GALNT13: variants seen among roughly 807,000 people sequenced by gnomAD.
The protein encoded by GALNT13 is UDP-GalNAc:polypeptide N-acetylgalactosaminyltransferase 13.
A neutral mutation model predicts 64.2 loss-of-function variants in GALNT13; 28 were observed. That is an observed-to-expected ratio of 0.44 (90% CI 0.32 to 0.60). The LOEUF is 0.60. Among genes scored for constraint, GALNT13 ranks in the 20% least tolerant of loss-of-function variants. The probability of loss-of-function intolerance (pLI) is 0.05; values close to 1 mark genes in which losing one functional copy is unlikely to be tolerated. For missense variants in GALNT13, 577 were observed against 669.8 expected (o/e 0.86, Z 1.53); for synonymous variants, 214 against 224.6 (o/e 0.95, Z 0.42).
At chr2:153,859,484 C>G in the GALNT13 span, among the ~76,000 whole-genome samples, 507 of 152,164 alleles carry the variant, frequency 3.3e-3, 4 homozygotes, top group African/African-American at 0.012. Context: ...TTACTTCATA[C>G]CTTTGGTGCT....
At chr2:153,459,544 TG>T in the GALNT13 span, among the ~76,000 whole-genome samples, 5 of 152,112 alleles carry the variant, frequency 3.3e-5, no homozygotes, top group Non-Finnish European at 5.9e-5. Flanking sequence ...CTGAATTACA[TG>T]GGGTCAATAT....
chr2:153,378,336 G>T, the GALNT13 span, among the ~76,000 whole-genome samples: 1 of 151,386 alleles, frequency 6.6e-6, no homozygotes, highest in Non-Finnish European at 1.5e-5. Context: ...GTAAATGCTA[G>T]TTCTTCAGCC....
At chr2:153,174,331 A>G in the GALNT13 span, among the ~76,000 whole-genome samples, 3 of 152,290 alleles carry the variant, frequency 2.0e-5, no homozygotes, top group South Asian at 2.1e-4. Context: ...TTTTTAACCC[A>G]TGCCTTTACC....
chr2:153,126,293 T>TA, the GALNT13 span, among the ~76,000 whole-genome samples: 1 of 43,472 alleles, frequency 2.3e-5, no homozygotes, highest in Non-Finnish European at 5.0e-5. Context: ...CAGTATTGAT[T>TA]TTGTATATAT....
At chr2:153,075,612 A>G in the GALNT13 span, among the ~76,000 whole-genome samples, 6 of 152,120 alleles carry the variant, frequency 3.9e-5, no homozygotes, top group Non-Finnish European at 8.8e-5. Flanking sequence ...AGGTTCATTT[A>G]TTTCAATTTT....
the GALNT13 span, among the ~76,000 whole-genome samples, chr2:153,471,024 G>A: frequency 2.6e-5 from 4 of 152,142 alleles, no homozygotes; most frequent in African/African-American, 9.6e-5. Context: ...GTAAAGTGGA[G>A]CCAGCTTTGC....
At chr2:153,186,387 TG>T in the GALNT13 span, among the ~76,000 whole-genome samples, 1 of 152,126 alleles carries the variant, frequency 6.6e-6, no homozygotes, top group East Asian at 1.9e-4. Context: ...AGCATAGCAA[TG>T]GGTCTTAGCT....
At chr2:154,106,097 T>C (rs911880790) in intron 3 of GALNT13, among the ~76,000 whole-genome samples, 1 of 152,192 alleles carries the variant, frequency 6.6e-6, no homozygotes, top group Non-Finnish European at 1.5e-5. Context: ...CTTTGTCAGA[T>C]ATAGGTTTTG....
At chr2:153,226,045 T>G in the GALNT13 span, among the ~76,000 whole-genome samples, 2 of 152,096 alleles carry the variant, frequency 1.3e-5, no homozygotes, top group Non-Finnish European at 2.9e-5. Flanking sequence ...GCACTTCTCC[T>G]GCTTCAGCCT....
chr2:153,808,493 T>C, the GALNT13 span, among the ~76,000 whole-genome samples: 2 of 152,136 alleles, frequency 1.3e-5, no homozygotes, highest in East Asian at 3.9e-4. Context: ...ATCTCCAGGG[T>C]TCTCCCCTCG....
chr2:154,412,016 A>G lies in GALNT13; in HGVS notation c.1395+2934A>G, dbSNP rs561466118. Among the ~76,000 whole-genome samples the G allele has an allele frequency of 1.1e-4, 17 of 151,938 alleles. No individual in the cohort carries two copies. The South Asian group carries it at 2.3e-3, about 20-fold the overall frequency. On this transcript the variant is annotated intron_variant, in intron 11 of 12. Coordinates refer to ENST00000392825, the MANE Select transcript of GALNT13 (RefSeq NM_052917.4). ...ATGCAATGTGTATTGATCCATTGCC[A>G]TTAATTAGCCCCTTTACTTGTTATT...
chr2:154,249,113 A>G (rs1436692546), intron 7 of GALNT13, among the ~76,000 whole-genome samples: 1 of 152,174 alleles, frequency 6.6e-6, no homozygotes, highest in Non-Finnish European at 1.5e-5. Context: ...TAGATCATTT[A>G]ATTAATTTGG....
chr2:153,367,455 T>G, the GALNT13 span, among the ~76,000 whole-genome samples: 2 of 152,082 alleles, frequency 1.3e-5, no homozygotes, highest in Admixed American at 6.6e-5. Flanking sequence ...TATACAAGAA[T>G]GGGAACTTTG....
At chr2:154,241,191 G>T (rs987672654) in intron 4 of GALNT13, among the ~76,000 whole-genome samples, 1 of 152,138 alleles carries the variant, frequency 6.6e-6, no homozygotes, top group Admixed American at 6.5e-5. Flanking sequence ...GTGGTGGAGC[G>T]GGGGTGGTTA....
At chr2:153,411,057 T>C in the GALNT13 span, among the ~76,000 whole-genome samples, 1 of 151,832 alleles carries the variant, frequency 6.6e-6, no homozygotes, top group Admixed American at 6.6e-5. Context: ...AGTTTCGCCA[T>C]GTTGCCCAGG....
At chr2:153,375,911 G>A in the GALNT13 span, among the ~76,000 whole-genome samples, 1 of 152,150 alleles carries the variant, frequency 6.6e-6, no homozygotes, top group Admixed American at 6.6e-5. Flanking sequence ...TCTGGTGAGG[G>A]CTTCAGGTTG....
At chr2:153,971,261 C>G (rs932150566) in intron 3 of GALNT13, among the ~76,000 whole-genome samples, 3 of 152,030 alleles carry the variant, frequency 2.0e-5, no homozygotes, top group Non-Finnish European at 4.4e-5. Context: ...GTAAATTGTT[C>G]CCCATCTCTA....
chr2:153,268,214 A>C, the GALNT13 span, among the ~76,000 whole-genome samples: 1 of 152,222 alleles, frequency 6.6e-6, no homozygotes, highest in Non-Finnish European at 1.5e-5. Context: ...TCCTAGATAC[A>C]ATGGTGGGGG....
the GALNT13 span, among the ~76,000 whole-genome samples, chr2:153,853,037 G>A: frequency 1.3e-5 from 2 of 152,138 alleles, no homozygotes; most frequent in Non-Finnish European, 2.9e-5. Context: ...TTCAGTCTAT[G>A]GCTGAAGGCT....
Sources: gnomAD v4.1 joint callset for allele counts (sites outside exome capture counted in the v4.1 genomes callset) on GRCh38, gnomAD v4.1.1 for gene constraint, MANE v1.5 for transcripts, NCBI Gene and HGNC (gene_info 2026-07-23, HGNC 2026-07-21) for gene names.